Variants in GRIK2 observed in about 807,000 individuals in gnomAD.
GRIK2 encodes glutamate receptor ionotropic, kainate 2.
GRIK2 carries 32 observed loss-of-function variants against 100.3 expected under a neutral mutation model. The observed-to-expected ratio is 0.32, with a 90% confidence interval of 0.24 to 0.43. The LOEUF (loss-of-function observed/expected upper bound fraction) is 0.43. GRIK2 is among the 20% of genes least tolerant of loss of function. The pLI, the probability that GRIK2 is intolerant of heterozygous loss-of-function variation, is 1.00. For synonymous variants in GRIK2, 417 were observed against 389.4 expected (o/e 1.07, Z -0.83); for missense variants, 843 against 1,114.9 (o/e 0.76, Z 3.47).
chr6:101,586,916 G>A (rs799538), intron 2 of GRIK2, among the ~76,000 whole-genome samples: 19,627 of 131,646 alleles, frequency 0.15, 2,047 homozygotes, highest in Middle Eastern at 0.22. Context: ...AAAAAAAAGA[G>A]AGATATCAAA....
chr6:101,523,207 C>T (rs534729394), intron 2 of GRIK2, among the ~76,000 whole-genome samples: 3 of 152,168 alleles, frequency 2.0e-5, no homozygotes, highest in South Asian at 2.1e-4. Flanking sequence ...CTTTTGGCAG[C>T]CAGAAATAAT....
rs189137002 is a variant in GRIK2, at chr6:101,830,178, G to T, written c.1317+11695G>T. ...ATCGACAAAAACAAATAATGGAAAA[G>T]GATATCTTATTCAATGAATGGTTCT... On this transcript the variant is annotated intron_variant, in intron 10 of 16. Transcript: ENST00000369134. Among the ~76,000 whole-genome samples, 115 of 151,986 alleles carry T rather than the reference G, an allele frequency of 7.6e-4. 1 individual carries two copies. Among genetic ancestry groups the T allele is most frequent in the African/African-American group, 2.4e-3 (100 of 41,524 alleles).
intron 4 of GRIK2, among the ~76,000 whole-genome samples, chr6:101,652,933 A>G (rs991370064): frequency 6.6e-6 from 1 of 152,120 alleles, no homozygotes; most frequent in East Asian, 1.9e-4. Context: ...ACAAGGCATG[A>G]GGGGAAGAAG....
chr6:101,512,570 T>C (rs1196229284), intron 2 of GRIK2, among the ~76,000 whole-genome samples: 1 of 152,190 alleles, frequency 6.6e-6, no homozygotes, highest in African/African-American at 2.4e-5. Context: ...GATGCTAAAC[T>C]TAAACATTTC....
intron 2 of GRIK2, among the ~76,000 whole-genome samples, chr6:101,534,674 T>TTATCCTATAATA (rs1775602626): frequency 6.6e-6 from 1 of 151,876 alleles, no homozygotes; most frequent in Non-Finnish European, 1.5e-5. Flanking sequence ...TTGAAGCATA[T>TTATCCTATAATA]TATCCTATAA....
At chr6:101,790,706 A>T (rs970567929) in intron 7 of GRIK2, among the ~76,000 whole-genome samples, 1 of 150,480 alleles carries the variant, frequency 6.6e-6, no homozygotes, top group African/African-American at 2.5e-5. Context: ...TGGTATCAGG[A>T]TGATGCGGGC....
At chr6:101,971,438 T>C (rs946860) in intron 14 of GRIK2, among the ~76,000 whole-genome samples, 14,996 of 152,044 alleles carry the variant, frequency 0.099, 2,025 homozygotes, top group African/African-American at 0.3. Context: ...TGGGAGATGA[T>C]ATAGGATAGA....
intron 16 of GRIK2, among the ~76,000 whole-genome samples, chr6:102,058,381 C>T (rs2114514332): frequency 6.6e-6 from 1 of 151,700 alleles, no homozygotes; most frequent in Admixed American, 6.6e-5. Context: ...TACCTATCTA[C>T]CTATCATTTA....
intron 6 of GRIK2, among the ~76,000 whole-genome samples, chr6:101,683,304 CAGT>C (rs1771427610): frequency 2.0e-5 from 3 of 152,086 alleles, no homozygotes; most frequent in Admixed American, 2.0e-4. Flanking sequence ...GCTGTCCTTT[CAGT>C]AGATTACATT....
In GRIK2 at chr6:101,928,563, T is replaced by A. The variant is rs1790059785; in HGVS notation, c.2016T>A (p.Asp672Glu). Residue 672 changes from aspartate (D) to glutamate (E), a missense_variant, in exon 14 of 17, where the codon GAT becomes GAA. Asp to Glu is a conservative substitution (Grantham distance 45). Coordinates refer to ENST00000369134, the MANE Select transcript of GRIK2 (RefSeq NM_021956.5). ...TGGAATCCCCTATTGACTCTGCTGA[T>A]GATTTAGCTAAACAAACCAAGATAG... Reference protein sequence around the residue: ...ERMESPIDSADDLAKQTKIEY... With the variant: ...ERMESPIDSAEDLAKQTKIEY... 1 of 1,608,640 alleles carries A rather than the reference T, an allele frequency of 6.2e-7. No individual in the cohort carries two copies. The highest frequency in any genetic ancestry group is 8.5e-7 in the Non-Finnish European group (1 of 1,175,034).
At chr6:101,580,013 T>C in intron 2 of GRIK2, among the ~76,000 whole-genome samples, 1 of 152,160 alleles carries the variant, frequency 6.6e-6, no homozygotes, top group East Asian at 1.9e-4. Context: ...CACTACATTT[T>C]GGAAAGCCCC....
chr6:101,600,724 G>A (rs1426412261), intron 2 of GRIK2, among the ~76,000 whole-genome samples: 1 of 151,568 alleles, frequency 6.6e-6, no homozygotes, highest in East Asian at 1.9e-4. Flanking sequence ...AACATTATTG[G>A]TGTGTAAAAT....
intron 2 of GRIK2, among the ~76,000 whole-genome samples, chr6:101,580,477 C>T (rs1050931709): frequency 6.6e-6 from 1 of 152,148 alleles, no homozygotes; most frequent in Admixed American, 6.6e-5. Context: ...TACCTTCCTA[C>T]TCTAAGCCAC....
At chr6:102,026,464 C>G (rs1354269511) in intron 14 of GRIK2, among the ~76,000 whole-genome samples, 2 of 150,946 alleles carry the variant, frequency 1.3e-5, no homozygotes, top group Non-Finnish European at 3.0e-5. Context: ...AAAATATATT[C>G]TTGATGGCTA....
chr6:101,502,698 T>A (rs1311234368), intron 2 of GRIK2, among the ~76,000 whole-genome samples: 2 of 152,186 alleles, frequency 1.3e-5, no homozygotes. Flanking sequence ...GATATCTAGC[T>A]GTCAGGTATT....
chr6:101,528,928 A>G (rs766381826), intron 2 of GRIK2, among the ~76,000 whole-genome samples: 13 of 152,144 alleles, frequency 8.5e-5, no homozygotes, highest in Non-Finnish European at 1.8e-4. Flanking sequence ...GGCAATGAGA[A>G]AAGACAACTT....
At chr6:102,024,956 T>TA (rs1387438661) in intron 14 of GRIK2, among the ~76,000 whole-genome samples, 3 of 149,360 alleles carry the variant, frequency 2.0e-5, no homozygotes, top group Admixed American at 6.7e-5. Context: ...TAAATAAAAA[T>TA]AAAAAACAAA....
intron 7 of GRIK2, among the ~76,000 whole-genome samples, chr6:101,788,220 T>A (rs533979365): frequency 6.6e-6 from 1 of 151,670 alleles, no homozygotes; most frequent in East Asian, 1.9e-4. Context: ...TTTTTTTTTA[T>A]TATTATACTT....
At chr6:101,807,562 T>C (rs1034278627) in intron 9 of GRIK2, among the ~76,000 whole-genome samples, 6 of 151,836 alleles carry the variant, frequency 4.0e-5, no homozygotes, top group African/African-American at 1.5e-4. Flanking sequence ...AGTGGAAAAG[T>C]TTCATAGTGG....
Sources: gnomAD v4.1 joint callset for allele counts (sites outside exome capture counted in the v4.1 genomes callset) on GRCh38, gnomAD v4.1.1 for gene constraint, MANE v1.5 for transcripts, NCBI Gene and HGNC (gene_info 2026-07-23, HGNC 2026-07-21) for gene names.